Variants in SCHIP1 observed in about 807,000 individuals in gnomAD.
SCHIP1 encodes schwannomin-interacting protein 1.
Under a neutral mutation model 29.7 loss-of-function variants are expected in SCHIP1, and 8 were observed. That is an observed-to-expected ratio of 0.27 (90% CI 0.16 to 0.49). SCHIP1 has a LOEUF of 0.49. Ranked by LOEUF, SCHIP1 falls within the 20% of genes least tolerant of loss-of-function variation. SCHIP1 has a pLI of 0.99. For missense variants in SCHIP1, 193 were observed against 294.6 expected (o/e 0.66, Z 2.52); for synonymous variants, 76 against 94.9 (o/e 0.80, Z 1.16).
the SCHIP1 span, among the ~76,000 whole-genome samples, chr3:159,511,386 A>G: frequency 4.2e-3 from 647 of 152,280 alleles, 2 homozygotes; most frequent in South Asian, 8.5e-3. Flanking sequence ...CTTGGCTAGG[A>G]AAGGGAACTC....
chr3:159,755,628 C>T, the SCHIP1 span, among the ~76,000 whole-genome samples: 2 of 152,204 alleles, frequency 1.3e-5, no homozygotes, highest in African/African-American at 2.4e-5. Flanking sequence ...CAACAGTCCC[C>T]CAAAGTCTCA....
At chr3:159,671,433 A>C in the SCHIP1 span, among the ~76,000 whole-genome samples, 2 of 152,224 alleles carry the variant, frequency 1.3e-5, no homozygotes, top group South Asian at 4.2e-4. Flanking sequence ...CTGCTTTAGA[A>C]TTAGCATCTC....
chr3:159,752,373 T>C, the SCHIP1 span, among the ~76,000 whole-genome samples: 1 of 152,216 alleles, frequency 6.6e-6, no homozygotes, highest in Non-Finnish European at 1.5e-5. Flanking sequence ...TTAATTTTTT[T>C]AATGTGATCA....
the SCHIP1 span, among the ~76,000 whole-genome samples, chr3:159,370,461 T>C: frequency 1.4e-4 from 21 of 152,368 alleles, no homozygotes; most frequent in African/African-American, 4.3e-4. Flanking sequence ...AAACATACTA[T>C]ACATTTTACA....
chr3:159,503,542 AG>A, the SCHIP1 span, among the ~76,000 whole-genome samples: 1 of 152,322 alleles, frequency 6.6e-6, no homozygotes, highest in Middle Eastern at 3.4e-3. Context: ...AAAAGCCATG[AG>A]GGGATCTCCT....
At chr3:159,773,523 G>GT in the SCHIP1 span, among the ~76,000 whole-genome samples, 151 of 148,590 alleles carry the variant, frequency 1.0e-3, no homozygotes, top group African/African-American at 2.2e-3. Context: ...TTTTTAAATT[G>GT]TTTTTTTTTT....
the SCHIP1 span, among the ~76,000 whole-genome samples, chr3:159,575,073 C>G: frequency 1.3e-5 from 2 of 152,188 alleles, no homozygotes; most frequent in African/African-American, 4.8e-5. Context: ...TGAGGTGATG[C>G]CCCGCCCTGC....
the SCHIP1 span, among the ~76,000 whole-genome samples, chr3:159,468,777 A>ATATAT: frequency 2.6e-4 from 33 of 127,346 alleles, no homozygotes; most frequent in African/African-American, 5.8e-4. Flanking sequence ...ATATATATAT[A>ATATAT]TTTTTTTTAG....
At chr3:159,291,239 G>T in the SCHIP1 span, among the ~76,000 whole-genome samples, 1 of 152,072 alleles carries the variant, frequency 6.6e-6, no homozygotes, top group Admixed American at 6.5e-5. Flanking sequence ...ATTGGCAACA[G>T]AATAAATATG....
At chr3:159,374,171 A>G in the SCHIP1 span, among the ~76,000 whole-genome samples, 13 of 152,196 alleles carry the variant, frequency 8.5e-5, no homozygotes, top group Non-Finnish European at 1.6e-4. Flanking sequence ...AGGAATGAAC[A>G]TGTTAAAACA....
the SCHIP1 span, among the ~76,000 whole-genome samples, chr3:159,703,075 A>G: frequency 6.6e-6 from 1 of 152,170 alleles, no homozygotes; most frequent in Non-Finnish European, 1.5e-5. Flanking sequence ...GGAGGCTGTT[A>G]TTTGGGATCT....
chr3:159,680,662 A>ATATGT, the SCHIP1 span, among the ~76,000 whole-genome samples: 9 of 39,410 alleles, frequency 2.3e-4, no homozygotes, highest in Non-Finnish European at 3.4e-4. Context: ...GTATATATAA[A>ATATGT]ATATATATTA....
chr3:159,740,765 A>AAAAAAC, the SCHIP1 span, among the ~76,000 whole-genome samples: 15 of 138,276 alleles, frequency 1.1e-4, no homozygotes, highest in South Asian at 1.9e-3. Context: ...TATATTCAAA[A>AAAAAAC]AAAAAGAAAA....
intron 4 of SCHIP1, chr3:159,888,167 G>A (rs1577497116): frequency 1.2e-5 from 6 of 498,068 alleles, no homozygotes; most frequent in South Asian, 4.7e-5. Context: ...TAGCTGCCAC[G>A]GGAATATTTA....
At chr3:159,309,587 G>A in the SCHIP1 span, among the ~76,000 whole-genome samples, 244 of 130,390 alleles carry the variant, frequency 1.9e-3, no homozygotes, top group African/African-American at 7.3e-3. Flanking sequence ...GCTCACATGT[G>A]GAAGGTATCT....
chr3:159,674,638 G>A, the SCHIP1 span, among the ~76,000 whole-genome samples: 1 of 139,942 alleles, frequency 7.1e-6, no homozygotes, highest in South Asian at 2.3e-4. Flanking sequence ...GGAAAAGCTA[G>A]CCCTAGAAAA....
chr3:159,799,924 G>A, the SCHIP1 span, among the ~76,000 whole-genome samples: 1 of 152,082 alleles, frequency 6.6e-6, no homozygotes, highest in African/African-American at 2.4e-5. Flanking sequence ...AGATTTGAGG[G>A]GTAGCTACAC....
chr3:159,338,152 TC>T, the SCHIP1 span, among the ~76,000 whole-genome samples: 1 of 152,124 alleles, frequency 6.6e-6, no homozygotes, highest in Non-Finnish European at 1.5e-5. Flanking sequence ...GCCTTTACAA[TC>T]CTAAAAATTT....
the SCHIP1 span, among the ~76,000 whole-genome samples, chr3:159,761,471 A>G: frequency 6.6e-6 from 1 of 152,238 alleles, no homozygotes; most frequent in Non-Finnish European, 1.5e-5. Context: ...CCCTGTAAAC[A>G]GGAAGACAGA....
Sources: allele counts gnomAD v4.1 joint callset (sites outside exome capture counted in the v4.1 genomes callset), GRCh38; gene constraint gnomAD v4.1.1; transcripts MANE v1.5; gene names NCBI Gene and HGNC (gene_info 2026-07-23, HGNC 2026-07-21).